ROBO1: variants seen among roughly 807,000 people sequenced by gnomAD.
The protein encoded by ROBO1 is roundabout homolog 1.
In ROBO1, 149 loss-of-function variants were observed where a neutral mutation model predicts 195.9. The observed-to-expected ratio is 0.76, with a 90% CI of 0.67 to 0.87. ROBO1 has a LOEUF of 0.87. ROBO1 is among the 40% of genes least tolerant of loss of function. ROBO1 has a pLI of 0.00. For missense variants in ROBO1, 1,933 were observed against 2,068.3 expected, an observed-to-expected ratio of 0.93 and a Z score of 1.27; for synonymous variants, 816 against 733.2, an observed-to-expected ratio of 1.11 and a Z score of -1.82.
At chr3:78,893,250 G>C (rs577893481) in intron 4 of ROBO1, among the ~76,000 whole-genome samples, 1 of 152,302 alleles carries the variant, frequency 6.6e-6, no homozygotes, top group South Asian at 2.1e-4. Flanking sequence ...GGGGTGATTA[G>C]GCCATGAGCG....
chr3:78,763,782 T>C (rs921260263), intron 4 of ROBO1, among the ~76,000 whole-genome samples: 2 of 152,184 alleles, frequency 1.3e-5, no homozygotes, highest in Non-Finnish European at 2.9e-5. Context: ...AACCTTCCTC[T>C]ACCCAATCCA....
chr3:79,019,221 G>A, intron 3 of ROBO1: 1 of 986,184 alleles, frequency 1.0e-6, no homozygotes, highest in Non-Finnish European at 1.2e-6. Flanking sequence ...GCCCTCTGGG[G>A]CGCTCGCAGG....
chr3:79,757,671 C>A (rs954769865), intron 1 of ROBO1, among the ~76,000 whole-genome samples: 2 of 151,830 alleles, frequency 1.3e-5, no homozygotes, highest in Non-Finnish European at 2.9e-5. Context: ...AGAATGAAAC[C>A]CTATCTCTAA....
intron 2 of ROBO1, among the ~76,000 whole-genome samples, chr3:79,575,149 A>T (rs34625966): frequency 9.3e-4 from 44 of 47,516 alleles, no homozygotes; most frequent in African/African-American, 1.4e-3. Context: ...CAAATATATA[A>T]ATATATATAT....
At chr3:79,487,108 G>C (rs1233209857) in intron 2 of ROBO1, among the ~76,000 whole-genome samples, 1 of 141,266 alleles carries the variant, frequency 7.1e-6, no homozygotes, top group South Asian at 2.3e-4. Flanking sequence ...ATGATAAAGA[G>C]AGTTCCCAGG....
At chr3:78,675,600 C>G (rs1708367812) in intron 10 of ROBO1, among the ~76,000 whole-genome samples, 1 of 152,170 alleles carries the variant, frequency 6.6e-6, no homozygotes, top group Non-Finnish European at 1.5e-5. Context: ...TGCAAGGCGG[C>G]AGCGAGGCTG....
intron 2 of ROBO1, among the ~76,000 whole-genome samples, chr3:79,195,953 TGTTA>T (rs2081625062): frequency 2.0e-5 from 3 of 151,586 alleles, no homozygotes; most frequent in South Asian, 2.1e-4. Flanking sequence ...TTAAACAGGT[TGTTA>T]GTTAATTAAC....
Position 79,655,353 on chromosome 3 carries a change from A to C in ROBO1, c.-50-65392T>G, listed in dbSNP as rs1946128782. Among the ~76,000 whole-genome samples the C allele has an allele frequency of 2.0e-5, 3 of 152,070 alleles. No homozygotes were observed. The South Asian group carries it at 6.2e-4, about 31-fold the overall frequency. On this transcript the variant is annotated intron_variant, in intron 1 of 30. Coordinates refer to ENST00000464233, the MANE Select transcript of ROBO1 (RefSeq NM_002941.4). ...AAATGGCATACCACTGTTAAGCACAATACTGTTCTAAATGAACATTATTTC... is the reference window on the plus strand; with the variant it reads ...AAATGGCATACCACTGTTAAGCACACTACTGTTCTAAATGAACATTATTTC...
chr3:79,037,574 G>A (rs2078403348), intron 3 of ROBO1, among the ~76,000 whole-genome samples: 1 of 152,090 alleles, frequency 6.6e-6, no homozygotes, highest in African/African-American at 2.4e-5. Flanking sequence ...ATATTACTAA[G>A]GGATTTTATG....
At chr3:79,402,593 T>C (rs901972515) in intron 2 of ROBO1, among the ~76,000 whole-genome samples, 2 of 151,976 alleles carry the variant, frequency 1.3e-5, no homozygotes, top group African/African-American at 2.4e-5. Context: ...GGTAAATCTT[T>C]ACAATTTGTG....
chr3:79,561,321 C>T (rs550055124), intron 2 of ROBO1, among the ~76,000 whole-genome samples: 14 of 152,246 alleles, frequency 9.2e-5, no homozygotes, highest in Admixed American at 2.6e-4. Context: ...GTTAAGATAA[C>T]GCTGGGAGTA....
chr3:79,075,779 C>T (rs1015132394), intron 3 of ROBO1, among the ~76,000 whole-genome samples: 9 of 151,622 alleles, frequency 5.9e-5, no homozygotes, highest in African/African-American at 2.2e-4. Context: ...TTTCACTGGG[C>T]ACTATAGTAT....
chr3:79,425,111 G>A (rs2038393686), intron 2 of ROBO1, among the ~76,000 whole-genome samples: 1 of 152,130 alleles, frequency 6.6e-6, no homozygotes, highest in Admixed American at 6.6e-5. Flanking sequence ...TGGCCTGCAT[G>A]TGATTTCTCC....
At chr3:79,664,878 G>C (rs893633156) in intron 1 of ROBO1, among the ~76,000 whole-genome samples, 10 of 151,960 alleles carry the variant, frequency 6.6e-5, no homozygotes, top group Admixed American at 3.9e-4. Flanking sequence ...AAGCATGTCT[G>C]ACCAGTAGAT....
At chr3:79,688,955 C>T (rs1176198675) in intron 1 of ROBO1, among the ~76,000 whole-genome samples, 4 of 151,974 alleles carry the variant, frequency 2.6e-5, no homozygotes, top group Non-Finnish European at 5.9e-5. Context: ...TAAATTTCCC[C>T]ATTATTTTGT....
At chr3:78,643,389 G>C (rs1706087424) in intron 21 of ROBO1, among the ~76,000 whole-genome samples, 1 of 152,150 alleles carries the variant, frequency 6.6e-6, no homozygotes, top group South Asian at 2.1e-4. Context: ...ATCACCTTAT[G>C]TTACGCACTT....
chr3:79,616,874 A>G (rs866630972), intron 1 of ROBO1, among the ~76,000 whole-genome samples: 2 of 152,072 alleles, frequency 1.3e-5, no homozygotes, highest in Non-Finnish European at 2.9e-5. Flanking sequence ...CCCACTCCAT[A>G]TGTGGAGCAG....
intron 5 of ROBO1, among the ~76,000 whole-genome samples, chr3:78,723,566 C>T (rs1312720983): frequency 6.6e-6 from 1 of 152,038 alleles, no homozygotes; most frequent in East Asian, 1.9e-4. Flanking sequence ...TCCAAAACAG[C>T]GGTTCTTAAT....
At chr3:79,080,705 C>T (rs562884675) in intron 3 of ROBO1, among the ~76,000 whole-genome samples, 4 of 151,918 alleles carry the variant, frequency 2.6e-5, no homozygotes, top group Admixed American at 6.6e-5. Context: ...AGGTCATGGC[C>T]GCTCTAATTC....
Sources: allele counts gnomAD v4.1 joint callset (sites outside exome capture counted in the v4.1 genomes callset), GRCh38; gene constraint gnomAD v4.1.1; transcripts MANE v1.5; gene names NCBI Gene and HGNC (gene_info 2026-07-23, HGNC 2026-07-21).